IQCM: variants seen among roughly 807,000 people sequenced by gnomAD.
IQCM encodes the protein IQ domain-containing protein M.
IQCM carries 45 observed loss-of-function variants against 57.6 expected under a neutral mutation model. The ratio of observed to expected loss-of-function variants is 0.78; its 90% confidence interval spans 0.62 to 1.00. The LOEUF is 1.00. Among genes scored for constraint, IQCM ranks in the 50% least tolerant of loss-of-function variants. The pLI is 0.00. For missense variants in IQCM, 468 were observed against 511.6 expected, an observed-to-expected ratio of 0.91 and a Z score of 0.82; for synonymous variants, 148 against 158.9, an observed-to-expected ratio of 0.93 and a Z score of 0.51.
intron 5 of IQCM, among the ~76,000 whole-genome samples, chr4:149,705,739 G>T (rs944919343): frequency 4.6e-5 from 7 of 151,834 alleles, no homozygotes; most frequent in Non-Finnish European, 1.0e-4. Flanking sequence ...ATGAAAGAAG[G>T]TTTTAAAAAT....
intron 12 of IQCM, among the ~76,000 whole-genome samples, chr4:149,547,330 T>C (rs1328254582): frequency 6.6e-6 from 1 of 152,208 alleles, no homozygotes; most frequent in Non-Finnish European, 1.5e-5. Context: ...AAGGCAATTT[T>C]GTCATTTGTC....
intron 2 of IQCM, among the ~76,000 whole-genome samples, chr4:149,757,013 C>G (rs769923731): frequency 7.9e-5 from 12 of 152,308 alleles, no homozygotes; most frequent in Non-Finnish European, 1.6e-4. Context: ...AATCCCAGCA[C>G]TTTGGGAGGC....
chr4:149,622,847 G>A (rs187738702), intron 7 of IQCM, among the ~76,000 whole-genome samples: 3 of 152,174 alleles, frequency 2.0e-5, no homozygotes, highest in Admixed American at 1.3e-4. Context: ...GCACCATTAC[G>A]TACAATAAGC....
At chr4:149,629,706 G>A (rs769264841) in intron 7 of IQCM, among the ~76,000 whole-genome samples, 2 of 151,946 alleles carry the variant, frequency 1.3e-5, no homozygotes, top group Non-Finnish European at 2.9e-5. Context: ...TTAAAAATAA[G>A]TCTATATAAT....
At chr4:149,568,137 G>A (rs1750806146) in intron 9 of IQCM, among the ~76,000 whole-genome samples, 1 of 152,150 alleles carries the variant, frequency 6.6e-6, no homozygotes, top group African/African-American at 2.4e-5. Context: ...CTGTGGTTGA[G>A]TGTCATCATC....
At chr4:149,469,420 G>A (rs1739251815) in intron 12 of IQCM, among the ~76,000 whole-genome samples, 1 of 152,136 alleles carries the variant, frequency 6.6e-6, no homozygotes, top group South Asian at 2.1e-4. Flanking sequence ...GAGAAGTTTA[G>A]AGAAAAAAGA....
In IQCM at chr4:149,679,919, T is replaced by C. The variant is rs138192147; in HGVS notation, c.565+2199A>G. Among the ~76,000 whole-genome samples, 283 of 151,556 alleles carry C rather than the reference T, an allele frequency of 1.9e-3. 1 individual carries two copies. Among genetic ancestry groups the C allele is most frequent in the African/African-American group, 6.7e-3 (277 of 41,500 alleles). Reference sequence around the variant, plus strand: ...AATTAACAACCATAAAAAGTATTCATTATTTTTCACGAAAGACACAAAGTG... The same window carrying C: ...AATTAACAACCATAAAAAGTATTCACTATTTTTCACGAAAGACACAAAGTG... On this transcript the variant is annotated intron_variant, in intron 7 of 13. Coordinates refer to ENST00000636793, the MANE Select transcript of IQCM (RefSeq NM_001363507.2).
chr4:149,749,778 T>C (rs1387671433), intron 2 of IQCM, among the ~76,000 whole-genome samples: 3 of 152,160 alleles, frequency 2.0e-5, no homozygotes, highest in Admixed American at 2.0e-4. Flanking sequence ...AATACTACCC[T>C]AGTCATTACA....
At chr4:149,699,569 T>A (rs1423746163) in intron 5 of IQCM, among the ~76,000 whole-genome samples, 1 of 151,672 alleles carries the variant, frequency 6.6e-6, no homozygotes, top group African/African-American at 2.4e-5. Context: ...ATCCTGATCT[T>A]CCCCCTAAAA....
rs1264022425 is a variant in IQCM at position 149,461,643 on chromosome 4, G to A, written c.1229-28086C>T. On this transcript the variant is annotated intron_variant, in intron 12 of 13. Transcript: ENST00000636793. ...TACTCCAGTCTGGACAACAGAGCAA[G>A]ACCCAGTCTCCAAAAAAAAAAAAAA... Among the ~76,000 whole-genome samples the A allele has an allele frequency of 2.7e-4, 36 of 134,484 alleles. 2 individuals carry two copies. Among genetic ancestry groups the A allele is most frequent in the Admixed American group, 2.7e-3 (34 of 12,704 alleles). The allele number at this position is 134,484 out of a possible 152,430, so 88.2% of individuals were successfully genotyped here.
At chr4:149,785,617 C>T (rs1875749) in intron 2 of IQCM, among the ~76,000 whole-genome samples, 6,574 of 151,624 alleles carry the variant, frequency 0.043, 519 homozygotes, top group East Asian at 0.22. Context: ...ATTATCTCAA[C>T]TTTAAGCATG....
At chr4:149,502,171 CAT>C (rs1043395842) in intron 12 of IQCM, among the ~76,000 whole-genome samples, 6 of 151,328 alleles carry the variant, frequency 4.0e-5, no homozygotes, top group East Asian at 1.9e-4. Context: ...CACACACACA[CAT>C]ATATATGTAT....
At chr4:149,569,286 T>G (rs976932526) in intron 9 of IQCM, among the ~76,000 whole-genome samples, 73 of 152,342 alleles carry the variant, frequency 4.8e-4, no homozygotes, top group African/African-American at 1.5e-3. Context: ...ACACAATAAC[T>G]GTCAAATTGA....
chr4:149,478,461 G>T (rs1295592346), intron 12 of IQCM, among the ~76,000 whole-genome samples: 1 of 152,182 alleles, frequency 6.6e-6, no homozygotes, highest in Non-Finnish European at 1.5e-5. Flanking sequence ...TAACTCGACA[G>T]TTTAGGTACC....
At chr4:149,812,273 T>C (rs1235973405) in intron 2 of IQCM, among the ~76,000 whole-genome samples, 1 of 152,142 alleles carries the variant, frequency 6.6e-6, no homozygotes, top group Non-Finnish European at 1.5e-5. Flanking sequence ...GGCAAATCCT[T>C]TGTTGTGGAA....
At chr4:149,703,252 T>C (rs1763901698) in intron 5 of IQCM, among the ~76,000 whole-genome samples, 1 of 151,992 alleles carries the variant, frequency 6.6e-6, no homozygotes, top group African/African-American at 2.4e-5. Context: ...GCAGAGACAT[T>C]CTGCTCTAGA....
At chr4:149,380,256 G>A (rs779196476) in intron 13 of IQCM, among the ~76,000 whole-genome samples, 6 of 151,848 alleles carry the variant, frequency 4.0e-5, no homozygotes, top group Non-Finnish European at 5.9e-5. Context: ...AAAGATTATT[G>A]TATTAGCAAT....
chr4:149,586,626 A>G (rs72726141), intron 9 of IQCM, among the ~76,000 whole-genome samples: 32,390 of 151,240 alleles, frequency 0.21, 4,337 homozygotes, highest in Non-Finnish European at 0.29. Flanking sequence ...TCTTTATAAA[A>G]CCTGTTACAT....
At chr4:149,428,220 A>T (rs1283256650) in intron 13 of IQCM, among the ~76,000 whole-genome samples, 1 of 151,896 alleles carries the variant, frequency 6.6e-6, no homozygotes, top group Non-Finnish European at 1.5e-5. Flanking sequence ...GTTACAAGAA[A>T]ATATGACAAA....
Sources: gnomAD v4.1 joint callset for allele counts (sites outside exome capture counted in the v4.1 genomes callset) on GRCh38, gnomAD v4.1.1 for gene constraint, MANE v1.5 for transcripts, NCBI Gene and HGNC (gene_info 2026-07-23, HGNC 2026-07-21) for gene names.